CDH17: variants seen among roughly 807,000 people sequenced by gnomAD.
CDH17 encodes the protein cadherin-17.
A neutral mutation model predicts 86.3 loss-of-function variants in CDH17; 67 were observed. The observed-to-expected ratio is 0.78, with a 90% CI of 0.64 to 0.95. The LOEUF is 0.95. Ranked by LOEUF, CDH17 falls within the 40% of genes least tolerant of loss-of-function variation. The pLI, the probability that CDH17 is intolerant of heterozygous loss-of-function variation, is 0.00. For missense variants in CDH17, 993 were observed against 1,017.6 expected, an observed-to-expected ratio of 0.98 and a Z score of 0.33; for synonymous variants, 367 against 366.4, an observed-to-expected ratio of 1.00 and a Z score of -0.02.
rs1187397482 is a variant in CDH17, at chr8:94,199,058, TATATATATATATATATATATATATA to T, written c.-20-4378_-20-4354del. 3.4e-3 allele frequency among the ~76,000 whole-genome samples: 81 copies of T among 23,840 alleles called. 3 individuals carry two copies. Among genetic ancestry groups the T allele is most frequent in the African/African-American group, 0.014 (77 of 5,382 alleles). The allele number at this position is 23,840 out of a possible 152,430, so 15.6% of individuals were successfully genotyped here. On this transcript the variant is annotated intron_variant, in intron 1 of 17. Coordinates refer to ENST00000027335, the MANE Select transcript of CDH17 (RefSeq NM_004063.4). ...TGATTGATATATATATATATATATATATATATATATATATATATATATATATTTTTTTTTTTTTATCATTTGTCTG... is the reference window on the plus strand; with the variant it reads ...TGATTGATATATATATATATATATATTTTTTTTTTTTTTATCATTTGTCTG...
Position 94,200,532 on chromosome 8 carries a change from C to CTTTTTTTTTTTTTTTTT in CDH17, c.-20-5828_-20-5827insAAAAAAAAAAAAAAAAA, listed in dbSNP as rs1387182561. ...TAGATCAGAGGGTTATTATTATTAT[C>CTTTTTTTTTTTTTTTTT]TTTTGTTTTTTTTTTTTTTTTTTTT... On this transcript the variant is annotated intron_variant, in intron 1 of 17. Coordinates refer to ENST00000027335, the MANE Select transcript of CDH17 (RefSeq NM_004063.4). 1.8e-4 allele frequency among the ~76,000 whole-genome samples: 9 copies of CTTTTTTTTTTTTTTTTT among 50,242 alleles called. 3 individuals are homozygous for CTTTTTTTTTTTTTTTTT. The highest frequency in any genetic ancestry group is 7.2e-4 in the South Asian group (1 of 1,396). 33.0% of individuals were successfully genotyped at this position (50,242 alleles called of 152,430 possible).
chr8:94,148,956 T>C (rs1015509144), intron 13 of CDH17, 82 bp from the exon 14 acceptor site: 1 of 1,154,044 alleles, frequency 8.7e-7, no homozygotes, highest in South Asian at 1.6e-5. Context: ...CAACTAAATA[T>C]GTTTGTGCAT....
chr8:94,127,298 C>T lies in CDH17; in HGVS notation c.*942G>A, dbSNP rs1022517457. ...ATACGAATGAAGAAAACATGCGCAG[C>T]ATGTATGCATGGCAGGTAGTGAGGA... On this transcript the variant is annotated 3_prime_UTR_variant, in exon 18 of 18. Coordinates refer to ENST00000027335, the MANE Select transcript of CDH17 (RefSeq NM_004063.4). 1 of 152,214 alleles carries T rather than the reference C, an allele frequency of 6.6e-6. No homozygotes were observed. The highest frequency in any genetic ancestry group is 1.5e-5 in the Non-Finnish European group (1 of 68,040). 9.4% of individuals were successfully genotyped at this position (152,214 alleles called of 1,614,324 possible).
At position 94,130,742 on chromosome 8, in the gene CDH17, G is replaced by A. The variant is rs778961978; in HGVS notation, c.2285-3C>T. 1 of 1,609,074 alleles carries A rather than the reference G, an allele frequency of 6.2e-7. No homozygotes were observed. The highest frequency in any genetic ancestry group is 8.5e-7 in the Non-Finnish European group (1 of 1,175,402). On this transcript the variant is annotated splice_region_variant and splice_polypyrimidine_tract_variant and intron_variant, in intron 16 of 17. Coordinates refer to ENST00000027335, the MANE Select transcript of CDH17 (RefSeq NM_004063.4). ...TTCCACACAACTGCAGAATGTAACTGAAAAGCAGGACAGTATTTGGTAGGA... is the reference window on the plus strand; with the variant it reads ...TTCCACACAACTGCAGAATGTAACTAAAAAGCAGGACAGTATTTGGTAGGA...
chr8:94,196,827 C>T (rs1018473328), intron 1 of CDH17, among the ~76,000 whole-genome samples: 33 of 152,220 alleles, frequency 2.2e-4, no homozygotes, highest in African/African-American at 6.0e-4. Context: ...TTCAACACGG[C>T]GGCTCCATCT....
At chr8:94,215,264 G>A (rs891050472) in intron 1 of CDH17, among the ~76,000 whole-genome samples, 8 of 152,166 alleles carry the variant, frequency 5.3e-5, no homozygotes, top group African/African-American at 1.7e-4. Flanking sequence ...TGGATAAAAT[G>A]TGGTATCCAT....
chr8:94,157,277 G>A (rs1812965103), intron 12 of CDH17, among the ~76,000 whole-genome samples: 1 of 152,140 alleles, frequency 6.6e-6, no homozygotes. Flanking sequence ...TCCCTTGATG[G>A]CTTAATAGGC....
chr8:94,171,003 A>G lies in CDH17; in HGVS notation c.784-18T>C. On this transcript the variant is annotated intron_variant, in intron 7 of 17. Coordinates refer to ENST00000027335, the MANE Select transcript of CDH17 (RefSeq NM_004063.4). ...CACCGCACCTACAGGGCCCAAAGTC[A>G]GTTGTGAGGAAAGCTGTATTTGGAC... The G allele has an allele frequency of 6.2e-7, 1 of 1,610,668 alleles. No homozygotes were observed. Among genetic ancestry groups the G allele is most frequent in the Non-Finnish European group, 8.5e-7 (1 of 1,178,522 alleles).
chr8:94,180,885 A>AC lies in CDH17; in HGVS notation c.151-3165_151-3164insG, dbSNP rs1274435776. ...ATTCCAGCCTGGAGGACAGAGTGAG[A>AC]TTCCCAGAGTGAGACTCCGTCTCGA... On this transcript the variant is annotated intron_variant, in intron 3 of 17. Coordinates refer to ENST00000027335, the MANE Select transcript of CDH17 (RefSeq NM_004063.4). Among the ~76,000 whole-genome samples, 15 of 143,902 alleles carry AC rather than the reference A, an allele frequency of 1.0e-4. No individual in the cohort carries two copies. In the East Asian group the frequency reaches 2.0e-3, roughly 19 times the overall value. 94.4% of individuals were successfully genotyped at this position (143,902 alleles called of 152,430 possible).
intron 10 of CDH17, among the ~76,000 whole-genome samples, chr8:94,164,054 T>C (rs577566185): frequency 1.3e-5 from 2 of 152,384 alleles, no homozygotes; most frequent in East Asian, 3.9e-4. Flanking sequence ...ATCTGGTCCA[T>C]ATTTTCTATA....
intron 4 of CDH17, 23 bp downstream of exon 4, chr8:94,177,564 C>T: frequency 6.2e-7 from 1 of 1,612,968 alleles, no homozygotes; most frequent in African/African-American, 1.3e-5. Context: ...GGAGTTAGAT[C>T]CCTTCAGCTG....
intron 4 of CDH17, 46 bp from the exon 5 acceptor site, chr8:94,176,725 T>C (rs1453773529): frequency 1.3e-6 from 2 of 1,569,520 alleles, no homozygotes; most frequent in Non-Finnish European, 8.7e-7. Flanking sequence ...CTGAACTTCA[T>C]GTCACATGCC....
In CDH17 at chr8:94,128,201, T is replaced by C; in HGVS notation, c.*39A>G. 1 of 1,292,496 alleles carries C rather than the reference T, an allele frequency of 7.7e-7. No individual in the cohort carries two copies. The highest frequency in any genetic ancestry group is 1.7e-5 in the Admixed American group (1 of 58,542). The allele number at this position is 1,292,496 out of a possible 1,614,324, so 80.1% of individuals were successfully genotyped here. On this transcript the variant is annotated 3_prime_UTR_variant, in exon 18 of 18. Transcript: ENST00000027335. Reference sequence around the variant, plus strand: ...TAGGATGAGATGGTTGTTGCTGAAATAGCACTTGCTATATAAATTCAAACA... The same window carrying C: ...TAGGATGAGATGGTTGTTGCTGAAACAGCACTTGCTATATAAATTCAAACA...
chr8:94,189,382 G>A, intron 2 of CDH17, 97 bp from the exon 3 acceptor site: 1 of 816,724 alleles, frequency 1.2e-6, no homozygotes, highest in Non-Finnish European at 2.0e-6. Context: ...ACAAAACATA[G>A]GATTCTATCA....
intron 3 of CDH17, among the ~76,000 whole-genome samples, chr8:94,179,279 G>A (rs10098593): frequency 0.061 from 9,241 of 152,118 alleles, 359 homozygotes; most frequent in African/African-American, 0.1. Flanking sequence ...TCATTTGACC[G>A]GACTCAGAAT....
chr8:94,138,012 T>C (rs1812565920), intron 15 of CDH17, among the ~76,000 whole-genome samples: 1 of 152,150 alleles, frequency 6.6e-6, no homozygotes, highest in Non-Finnish European at 1.5e-5. Flanking sequence ...TCAAAATCCC[T>C]CTGAGTCCAG....
Position 94,206,729 on chromosome 8 carries a change from C to A in CDH17, c.-21+1754G>T, listed in dbSNP as rs972160365. On this transcript the variant is annotated intron_variant, in intron 1 of 17. Coordinates refer to ENST00000027335, the MANE Select transcript of CDH17 (RefSeq NM_004063.4). The stretch of plus-strand genomic sequence containing the variant: ...CAATCATGACTCACTGCAGCCTCAA[C>A]CTCCTGGGCTTAAGGAATCCTCTCA... 1.3e-3 allele frequency among the ~76,000 whole-genome samples: 195 copies of A among 150,264 alleles called. 1 individual carries two copies. Among genetic ancestry groups the A allele is most frequent in the African/African-American group, 4.6e-3 (188 of 40,638 alleles).
chr8:94,145,182 C>A (rs551237063), intron 15 of CDH17, among the ~76,000 whole-genome samples: 1 of 152,272 alleles, frequency 6.6e-6, no homozygotes, highest in African/African-American at 2.4e-5. Flanking sequence ...AAATCTTTGT[C>A]CCTACAAAAT....
rs369290448 is a variant in CDH17 at position 94,185,001 on chromosome 8, G to A, written c.150+4186C>T. On this transcript the variant is annotated intron_variant, in intron 3 of 17. Coordinates refer to ENST00000027335, the MANE Select transcript of CDH17 (RefSeq NM_004063.4). ...CCCCACCACTGAAGCAAAGAGCTCC[G>A]AGCACATCTTACCAAGGCTGGGTTT... is the stretch of plus-strand genomic sequence containing the variant. 3.9e-5 allele frequency among the ~76,000 whole-genome samples: 6 copies of A among 152,180 alleles called. No individual in the cohort carries two copies. The South Asian group carries it at 6.2e-4, about 16-fold the overall frequency.
Sources: allele counts gnomAD v4.1 joint callset (sites outside exome capture counted in the v4.1 genomes callset), GRCh38; gene constraint gnomAD v4.1.1; transcripts MANE v1.5; gene names NCBI Gene and HGNC (gene_info 2026-07-23, HGNC 2026-07-21).